AGAP1: variants seen among roughly 807,000 people sequenced by gnomAD.
AGAP1 encodes the protein ArfGAP with GTPase domain, ankyrin repeat and PH domain 1.
AGAP1 carries 29 observed loss-of-function variants against 105.3 expected under a neutral mutation model. That is an observed-to-expected ratio of 0.28 (90% CI 0.21 to 0.38). AGAP1 has a LOEUF of 0.38. Ranked by LOEUF, AGAP1 falls within the 10% of genes least tolerant of loss-of-function variation. The pLI is 1.00. For missense variants in AGAP1, 998 were observed against 1,165.1 expected, an observed-to-expected ratio of 0.86 and a Z score of 2.09; for synonymous variants, 509 against 485.9, an observed-to-expected ratio of 1.05 and a Z score of -0.63.
intron 16 of AGAP1, among the ~76,000 whole-genome samples, chr2:236,060,563 AC>A (rs1001040224): frequency 6.6e-6 from 1 of 152,070 alleles, no homozygotes; most frequent in African/African-American, 2.4e-5. Flanking sequence ...GGTGACGTGC[AC>A]CTGTGGTCAT....
chr2:235,531,117 C>T (rs1027184413), intron 1 of AGAP1, among the ~76,000 whole-genome samples: 2 of 152,212 alleles, frequency 1.3e-5, no homozygotes, highest in Non-Finnish European at 2.9e-5. Context: ...GTCCGCAAAT[C>T]TAGACTCAGC....
intron 10 of AGAP1, among the ~76,000 whole-genome samples, chr2:235,885,673 C>G (rs1003145804): frequency 5.9e-5 from 9 of 152,210 alleles, no homozygotes; most frequent in African/African-American, 1.9e-4. Context: ...AACCTTGATG[C>G]TGAGTTCGCT....
chr2:235,748,233 G>A (rs1288410535), intron 5 of AGAP1, among the ~76,000 whole-genome samples: 1 of 152,188 alleles, frequency 6.6e-6, no homozygotes, highest in Non-Finnish European at 1.5e-5. Flanking sequence ...CTTTGAAGCC[G>A]AAATTTGACA....
chr2:235,693,899 A>C (rs996684314), intron 1 of AGAP1, among the ~76,000 whole-genome samples: 8 of 152,210 alleles, frequency 5.3e-5, no homozygotes, highest in Non-Finnish European at 1.0e-4. Flanking sequence ...TTCCCATTTG[A>C]AAAACATGGC....
chr2:235,946,766 A>T (rs1281769421), intron 12 of AGAP1, among the ~76,000 whole-genome samples: 1 of 152,090 alleles, frequency 6.6e-6, no homozygotes, highest in African/African-American at 2.4e-5. Context: ...TGTTCTAAGA[A>T]CCAGCAGGGA....
rs1472991823 is a variant in AGAP1, at chr2:235,689,251, A to G, written c.164-19928A>G. 6.6e-6 allele frequency among the ~76,000 whole-genome samples: 1 copy of G among 152,106 alleles called. No homozygotes were observed. The highest frequency in any genetic ancestry group is 2.4e-5 in the African/African-American group (1 of 41,422). ...TCATTCGCTAGCACCGAGATGGTTCAGGGCACTTTGGAGCTAGAGCAAGAG... is the reference window on the plus strand; with the variant it reads ...TCATTCGCTAGCACCGAGATGGTTCGGGGCACTTTGGAGCTAGAGCAAGAG... On this transcript the variant is annotated intron_variant, in intron 1 of 17. Coordinates refer to ENST00000304032, the MANE Select transcript of AGAP1 (RefSeq NM_001037131.3). The surrounding 1 kb of genome is among the most constrained non-coding windows in gnomAD (Gnocchi z 4.2).
intron 12 of AGAP1, among the ~76,000 whole-genome samples, chr2:235,937,932 C>G (rs1409244856): frequency 2.6e-5 from 4 of 152,252 alleles, no homozygotes; most frequent in Admixed American, 6.5e-5. Context: ...TCCTTGGCCC[C>G]TTCCAGCTGC....
chr2:235,812,671 C>T (rs964708069), intron 9 of AGAP1, among the ~76,000 whole-genome samples: 10 of 152,208 alleles, frequency 6.6e-5, no homozygotes, highest in African/African-American at 9.6e-5. Flanking sequence ...TGATAGAGAT[C>T]GGAGGAGATG....
chr2:235,930,632 T>G lies in AGAP1; in HGVS notation c.1325-133T>G. On this transcript the variant is annotated intron_variant, in intron 11 of 17. Coordinates refer to ENST00000304032, the MANE Select transcript of AGAP1 (RefSeq NM_001037131.3). The surrounding 1 kb of genome is among the most constrained non-coding windows in gnomAD (Gnocchi z 7.9). ...TTCTGTCTGGCGCTTCCGTTTGCCATGCAGGCAGGACAGGGGCTGCTCTCG... is the reference window on the plus strand; with the variant it reads ...TTCTGTCTGGCGCTTCCGTTTGCCAGGCAGGCAGGACAGGGGCTGCTCTCG... The G allele has an allele frequency of 1.2e-6, 1 of 860,638 alleles. No homozygotes were observed. The highest frequency in any genetic ancestry group is 1.7e-6 in the Non-Finnish European group (1 of 573,340). The allele number at this position is 860,638 out of a possible 1,614,324, so 53.3% of individuals were successfully genotyped here.
rs1187633529 is a variant in AGAP1, at chr2:235,957,441, C to A, written c.1484-11021C>A. Among the ~76,000 whole-genome samples, 1 of 152,154 alleles carries A rather than the reference C, an allele frequency of 6.6e-6. No individual in the cohort carries two copies. Among genetic ancestry groups the A allele is most frequent in the Non-Finnish European group, 1.5e-5 (1 of 68,028 alleles). ...CGCCAACACCTGTCATCTTCCTGGGCCCCCTGCCGTGTCCCCGCTGCCCCT... is the reference window on the plus strand; with the variant it reads ...CGCCAACACCTGTCATCTTCCTGGGACCCCTGCCGTGTCCCCGCTGCCCCT... On this transcript the variant is annotated intron_variant, in intron 12 of 17. Transcript: ENST00000304032. The surrounding 1 kb of genome is among the most constrained non-coding windows in gnomAD (Gnocchi z 4.6).
intron 1 of AGAP1, among the ~76,000 whole-genome samples, chr2:235,606,209 T>C (rs1945932100): frequency 6.6e-6 from 1 of 152,220 alleles, no homozygotes; most frequent in Admixed American, 6.5e-5. Flanking sequence ...TGGCATTGCT[T>C]CACATATGTT....
chr2:235,874,909 T>C lies in AGAP1; in HGVS notation c.1051-8436T>C, dbSNP rs1488211629. ...TAAAATACCCTCTTATCAGAGAAAT[T>C]GTCAATATCATGGCCCCACATTTCC... On this transcript the variant is annotated intron_variant, in intron 9 of 17. Coordinates refer to ENST00000304032, the MANE Select transcript of AGAP1 (RefSeq NM_001037131.3). The surrounding 1 kb of genome is among the most constrained non-coding windows in gnomAD (Gnocchi z 4.5). Among the ~76,000 whole-genome samples, 3 of 152,162 alleles carry C rather than the reference T, an allele frequency of 2.0e-5. No individual in the cohort carries two copies. Among genetic ancestry groups the C allele is most frequent in the African/African-American group, 7.2e-5 (3 of 41,426 alleles).
In AGAP1 at chr2:235,734,873, G is replaced by A. The variant is rs190047213; in HGVS notation, c.311-6090G>A. On this transcript the variant is annotated intron_variant, in intron 3 of 17. Transcript: ENST00000304032. The surrounding 1 kb of genome is among the most constrained non-coding windows in gnomAD (Gnocchi z 5.3). ...TCTGGATTGGAGTCTTGGTCCTGCCGCGTGCTGGCCGTGGAGCTCTTGCTC... is the reference window on the plus strand; with the variant it reads ...TCTGGATTGGAGTCTTGGTCCTGCCACGTGCTGGCCGTGGAGCTCTTGCTC... 3.9e-5 allele frequency among the ~76,000 whole-genome samples: 6 copies of A among 152,366 alleles called. No individual in the cohort carries two copies. Among genetic ancestry groups the A allele is most frequent in the South Asian group, 2.1e-4 (1 of 4,830 alleles).
chr2:235,723,800 T>TGGTTGGTC lies in AGAP1; in HGVS notation c.310+6159_310+6160insTGGTCGGT, dbSNP rs559644420. 3.9e-4 allele frequency among the ~76,000 whole-genome samples: 59 copies of TGGTTGGTC among 151,100 alleles called. No individual in the cohort carries two copies. Among genetic ancestry groups the TGGTTGGTC allele is most frequent in the South Asian group, 1.3e-3 (6 of 4,786 alleles). On this transcript the variant is annotated intron_variant, in intron 3 of 17. Coordinates refer to ENST00000304032, the MANE Select transcript of AGAP1 (RefSeq NM_001037131.3). The surrounding 1 kb of genome is among the most constrained non-coding windows in gnomAD (Gnocchi z 6.2). ...TTGGTTGGTTGGTTGGTTGGTTGGT[T>TGGTTGGTC]GGTCGATCGACAGAGACTTAAGAAT...
At chr2:235,928,805 A>G (rs2052577217) in intron 11 of AGAP1, among the ~76,000 whole-genome samples, 1 of 152,176 alleles carries the variant, frequency 6.6e-6, no homozygotes, top group Non-Finnish European at 1.5e-5. Context: ...GCACGTGGAA[A>G]ATACAGGGAG....
intron 12 of AGAP1, among the ~76,000 whole-genome samples, chr2:235,945,870 G>A (rs1413244164): frequency 6.8e-6 from 1 of 147,556 alleles, no homozygotes; most frequent in African/African-American, 2.5e-5. Context: ...CAGAGGGGGA[G>A]CCGGCACTTC....
At chr2:235,572,739 C>T (rs1233704468) in intron 1 of AGAP1, among the ~76,000 whole-genome samples, 1 of 152,230 alleles carries the variant, frequency 6.6e-6, no homozygotes, top group African/African-American at 2.4e-5. Flanking sequence ...AGTCTTCCTG[C>T]TCTGGCAGGC....
At chr2:235,678,799 C>T (rs990827895) in intron 1 of AGAP1, among the ~76,000 whole-genome samples, 4 of 152,014 alleles carry the variant, frequency 2.6e-5, no homozygotes, top group African/African-American at 9.7e-5. Flanking sequence ...AGTAAGAGTT[C>T]TGCCTGTCAG....
Position 235,936,224 on chromosome 2 carries a change from C to G in AGAP1, c.1483+5301C>G, listed in dbSNP as rs1480838073. 6.6e-6 allele frequency among the ~76,000 whole-genome samples: 1 copy of G among 152,214 alleles called. No homozygotes were observed. The highest frequency in any genetic ancestry group is 1.5e-5 in the Non-Finnish European group (1 of 68,042). On this transcript the variant is annotated intron_variant, in intron 12 of 17. Coordinates refer to ENST00000304032, the MANE Select transcript of AGAP1 (RefSeq NM_001037131.3). This position sits in a 1 kb window ranked among gnomAD's most constrained non-coding sequence, Gnocchi z 4.7. ...GAGCCTCACTTCCCTCGGCCTCCCC[C>G]AGGCCACCACGCAGCCTCGTCACCA...
Sources: gnomAD v4.1 joint callset for allele counts (sites outside exome capture counted in the v4.1 genomes callset) on GRCh38, gnomAD v4.1.1 for gene constraint, Gnocchi (gnomAD v3.1) non-coding constraint, MANE v1.5 for transcripts, NCBI Gene and HGNC (gene_info 2026-07-23, HGNC 2026-07-21) for gene names.